ARHGEF12: variants seen among roughly 807,000 people sequenced by gnomAD.
ARHGEF12 encodes KMT2A/ARHGEF12 fusion protein.
A neutral mutation model predicts 211.2 loss-of-function variants in ARHGEF12; 66 were observed. That is an observed-to-expected ratio of 0.31 (90% CI 0.26 to 0.38). ARHGEF12 has a LOEUF of 0.38. Ranked by LOEUF, ARHGEF12 falls within the 10% of genes least tolerant of loss-of-function variation. The pLI is 1.00. For missense variants in ARHGEF12, 1,429 were observed against 1,869.5 expected (o/e 0.76, Z 4.34); for synonymous variants, 592 against 638.4 (o/e 0.93, Z 1.09).
In ARHGEF12 at chr11:120,485,699, AT is replaced by A. The variant is rs1366871675; in HGVS notation, c.*623del. On this transcript the variant is annotated 3_prime_UTR_variant, in exon 41 of 41. Coordinates refer to ENST00000397843, the MANE Select transcript of ARHGEF12 (RefSeq NM_015313.3). ...CTTCTCTGAGGGTCACCTCAAAGGT[AT>A]GCTATGCCGTGTGGCTCTTATGTGC... 1 of 233,774 alleles carries A rather than the reference AT, an allele frequency of 4.3e-6. No homozygotes were observed. 14.5% of individuals were successfully genotyped at this position (233,774 alleles called of 1,614,324 possible).
Position 120,476,736 on chromosome 11 carries a change from C to T in ARHGEF12, c.3353C>T (p.Ser1118Phe), listed in dbSNP as rs746681480. Residue 1118 changes from serine to phenylalanine, a missense_variant, in exon 34 of 41, where the codon TCT (serine) becomes TTT (phenylalanine). Ser to Phe is a radical substitution (Grantham distance 155). Transcript: ENST00000397843. ...TATGAACTGGTGGCACAGACAGTTT[C>T]TGAAAAGACTGTGTATGTATCAGAT... ...QIYELVAQTV[S>F]EKTVWQDLIC... The T allele has an allele frequency of 6.2e-7, 1 of 1,611,360 alleles. No homozygotes were observed. Among genetic ancestry groups the T allele is most frequent in the Non-Finnish European group, 8.5e-7 (1 of 1,178,136 alleles).
intron 1 of ARHGEF12, among the ~76,000 whole-genome samples, chr11:120,339,121 G>C (rs977497603): frequency 1.3e-5 from 2 of 150,486 alleles, no homozygotes; most frequent in Non-Finnish European, 1.5e-5. Context: ...ACTGGTTCAG[G>C]TGCTGCTGCC....
intron 11 of ARHGEF12, among the ~76,000 whole-genome samples, chr11:120,434,960 T>G (rs1945650209): frequency 6.6e-6 from 1 of 152,192 alleles, no homozygotes; most frequent in Non-Finnish European, 1.5e-5. Flanking sequence ...TCCAAGGCAT[T>G]CGTTTATTAA....
chr11:120,339,204 C>T (rs548138851), intron 1 of ARHGEF12, among the ~76,000 whole-genome samples: 2 of 151,016 alleles, frequency 1.3e-5, no homozygotes, highest in East Asian at 1.9e-4. Flanking sequence ...AGACCTGTTT[C>T]GTAGGATTTT....
intron 32 of ARHGEF12, 125 bp from the exon 33 acceptor site, chr11:120,475,215 C>T (rs1412424045): frequency 7.3e-6 from 6 of 818,684 alleles, no homozygotes; most frequent in South Asian, 2.0e-5. Flanking sequence ...AGATAATATA[C>T]AAGTCAATTT....
chr11:120,480,228 C>T lies in ARHGEF12; in HGVS notation c.4035C>T (p.Pro1345=). Residue 1345 remains proline (P), a synonymous_variant, in exon 38 of 41, where the codon CCC becomes CCT. Transcript: ENST00000397843. ...FAPRDSVGLA[P]QDSQASNILV... is the part of the protein sequence containing the mutation. ...CACGGGATTCAGTGGGACTGGCACC[C>T]CAGGATAGCCAGGCAAGTAACATTT... 6.2e-7 allele frequency: 1 copy of T among 1,614,160 alleles called. No homozygotes were observed. The highest frequency in any genetic ancestry group is 1.7e-5 in the Admixed American group (1 of 60,020).
intron 18 of ARHGEF12, 44 bp downstream of exon 18, chr11:120,447,129 T>C (rs1361585558): frequency 1.3e-6 from 2 of 1,598,678 alleles, no homozygotes; most frequent in Admixed American, 1.7e-5. Flanking sequence ...TCTGCTGAGA[T>C]ACTAGTTATG....
intron 39 of ARHGEF12, 63 bp downstream of exon 39, chr11:120,481,639 T>A: frequency 6.7e-7 from 1 of 1,496,648 alleles, no homozygotes. Flanking sequence ...AGGGGAAGAA[T>A]AGGGTGATGA....
rs779203538 is a variant in ARHGEF12, at chr11:120,406,134, C to A, written c.49C>A (p.Pro17Thr). 6.5e-7 allele frequency: 1 copy of A among 1,535,078 alleles called. No individual in the cohort carries two copies. The highest frequency in any genetic ancestry group is 1.3e-5 in the South Asian group (1 of 79,480). ...TITDRFPLKK[P>T]IRHGSILNRE... Reference sequence around the variant, plus strand: ...TTGTTTCAGGTTTCCCCTCAAAAAACCTATAAGGTAAGTTTGCTCAATTAC... The same window carrying A: ...TTGTTTCAGGTTTCCCCTCAAAAAAACTATAAGGTAAGTTTGCTCAATTAC... Residue 17 changes from proline (P) to threonine (T), a missense_variant, in exon 2 of 41, where the codon CCT (proline) becomes ACT (threonine). By Grantham distance (38) the Pro-to-Thr change is conservative. Coordinates refer to ENST00000397843, the MANE Select transcript of ARHGEF12 (RefSeq NM_015313.3).
At chr11:120,425,460 TG>T (rs1945316475) in intron 7 of ARHGEF12, among the ~76,000 whole-genome samples, 1 of 151,886 alleles carries the variant, frequency 6.6e-6, no homozygotes, top group Non-Finnish European at 1.5e-5. Flanking sequence ...CCTTGTTTTT[TG>T]TTTTTTGTTT....
chr11:120,432,154 C>T (rs987809810), intron 11 of ARHGEF12, among the ~76,000 whole-genome samples: 1 of 152,170 alleles, frequency 6.6e-6, no homozygotes, highest in African/African-American at 2.4e-5. Context: ...TGGAATTTCC[C>T]AGCAGGCATC....
In ARHGEF12 at chr11:120,447,010, G is replaced by A. The variant is rs755767727; in HGVS notation, c.1514G>A (p.Arg505Gln). Residue 505 changes from arginine to glutamine, a missense_variant, in exon 18 of 41, where the codon CGA (arginine) becomes CAA (glutamine). Arg to Gln is a conservative substitution (Grantham distance 43, BLOSUM62 1). Around this residue, in one of 7 missense-constraint regions of ARHGEF12, gnomAD observed 373 missense variants for 467.5 expected, o/e 0.80. Transcript: ENST00000397843. ...GAGCTGACTAAACTTGATGCAGAGC[G>A]AGACAAGGACCGATTGACTTTGGAG... is the stretch of plus-strand genomic sequence containing the variant. ...ESELTKLDAERDKDRLTLEKE... is the reference protein window; with the variant it reads ...ESELTKLDAEQDKDRLTLEKE... 19 of 1,614,090 alleles carry A rather than the reference G, an allele frequency of 1.2e-5. No homozygotes were observed. Among genetic ancestry groups the A allele is most frequent in the African/African-American group, 4.0e-5 (3 of 74,932 alleles).
chr11:120,457,184 A>T lies in ARHGEF12; in HGVS notation c.2123A>T (p.Asn708Ile). 1 of 1,614,134 alleles carries T rather than the reference A, an allele frequency of 6.2e-7. No homozygotes were observed. Among genetic ancestry groups the T allele is most frequent in the African/African-American group, 1.3e-5 (1 of 75,052 alleles). Residue 708 changes from asparagine to isoleucine, a missense_variant, in exon 23 of 41, where the codon AAT becomes ATT. By Grantham distance (149) the Asn-to-Ile change is moderately radical. This residue lies in a region of ARHGEF12 where 373 missense variants were observed against 467.5 expected (regional missense o/e 0.80). Coordinates refer to ENST00000397843, the MANE Select transcript of ARHGEF12 (RefSeq NM_015313.3). Reference sequence around the variant, plus strand: ...TTAGATGGCACACCTCGTACTCTCAATACTGTCTTTGATTTCCCACCACCT... The same window carrying T: ...TTAGATGGCACACCTCGTACTCTCATTACTGTCTTTGATTTCCCACCACCT... ...DTLDGTPRTL[N>I]TVFDFPPPPL...
At chr11:120,403,422 G>A (rs1238881078) in intron 1 of ARHGEF12, among the ~76,000 whole-genome samples, 1 of 151,796 alleles carries the variant, frequency 6.6e-6, no homozygotes, top group African/African-American at 2.4e-5. Context: ...CAGGAGAAGT[G>A]TTTGAACCCG....
rs562066371 is a variant in ARHGEF12, at chr11:120,469,680, G to A, written c.2955+292G>A. Among the ~76,000 whole-genome samples the A allele has an allele frequency of 3.8e-4, 58 of 152,320 alleles. 1 individual carries two copies. Among genetic ancestry groups the A allele is most frequent in the African/African-American group, 1.7e-4 (7 of 41,568 alleles). ...GCTGGGCATAGGGTACAGAGTAGTT[G>A]AGAAAATGAGTGCAATATCTGCCCA... On this transcript the variant is annotated intron_variant, in intron 30 of 40. Coordinates refer to ENST00000397843, the MANE Select transcript of ARHGEF12 (RefSeq NM_015313.3).
chr11:120,418,390 G>A (rs1470641457), intron 4 of ARHGEF12, among the ~76,000 whole-genome samples: 1 of 152,198 alleles, frequency 6.6e-6, no homozygotes, highest in Middle Eastern at 3.2e-3. Context: ...TGTTGTATGA[G>A]TAGTCCTTTT....
intron 31 of ARHGEF12, 142 bp from the exon 32 acceptor site, chr11:120,474,418 C>G: frequency 3.5e-6 from 2 of 564,424 alleles, no homozygotes; most frequent in Non-Finnish European, 5.9e-6. Flanking sequence ...TTTTCAAGAA[C>G]TGACAAATAG....
At chr11:120,449,381 C>T (rs151109098) in intron 21 of ARHGEF12, 167 bp downstream of exon 21, 2 of 590,516 alleles carry the variant, frequency 3.4e-6, no homozygotes, top group Admixed American at 3.1e-5. Context: ...CTAAGTACCC[C>T]CTATGTTGCT....
intron 1 of ARHGEF12, among the ~76,000 whole-genome samples, chr11:120,347,145 TTCCTTC>T (rs1942762689): frequency 2.1e-5 from 2 of 93,108 alleles, no homozygotes; most frequent in Admixed American, 1.1e-4. Flanking sequence ...CCTTCCTTCC[TTCCTTC>T]CTTCCTTCCT....
Sources: gnomAD v4.1 joint callset for allele counts (sites outside exome capture counted in the v4.1 genomes callset) on GRCh38, gnomAD v4.1.1 for gene constraint, gnomAD v4.1.1 regional missense constraint, MANE v1.5 for transcripts, NCBI Gene and HGNC (gene_info 2026-07-23, HGNC 2026-07-21) for gene names.